Variants in TOE1 observed in about 807,000 individuals in gnomAD.
TOE1 encodes the protein target of EGR1 protein 1.
In TOE1, 50 loss-of-function variants were observed where a neutral mutation model predicts 49.2. The ratio of observed to expected loss-of-function variants is 1.02; its 90% CI spans 0.81 to 1.29. TOE1 has a LOEUF of 1.29. Ranked by LOEUF, TOE1 falls within the 50% of genes most tolerant of loss-of-function variation. The probability of loss-of-function intolerance (pLI) is 0.00; values close to 1 mark genes in which losing one functional copy is unlikely to be tolerated. For missense variants in TOE1, 544 were observed against 654.4 expected (o/e 0.83, Z 1.84); for synonymous variants, 221 against 247.0 (o/e 0.89, Z 0.99).
Position 45,341,325 on chromosome 1 carries a change from G to A in TOE1, c.218G>A (p.Arg73Lys). 1 of 1,614,160 alleles carries A rather than the reference G, an allele frequency of 6.2e-7. No individual in the cohort carries two copies. Among genetic ancestry groups the A allele is most frequent in the East Asian group, 2.2e-5 (1 of 44,886 alleles). Residue 73 changes from arginine (R) to lysine (K), a missense_variant, in exon 3 of 8, where the codon AGG (arginine) becomes AAG (lysine). Physicochemically the swap from Arg to Lys is conservative, Grantham distance 26. Coordinates refer to ENST00000372090, the MANE Select transcript of TOE1 (RefSeq NM_025077.4). The part of the protein sequence containing the change: ...VDTELSGLGD[R>K]KSLLNQCIEE... ...CAGGAGCTGAGTGGGCTTGGGGACAGGAAGAGTTTGCTGAACCAGTAAGTA... is the reference window on the plus strand; with the variant it reads ...CAGGAGCTGAGTGGGCTTGGGGACAAGAAGAGTTTGCTGAACCAGTAAGTA...
intron 1 of TOE1, 90 bp from the exon 2 acceptor site, chr1:45,340,983 C>G (rs1646919816): frequency 6.4e-7 from 1 of 1,573,646 alleles, no homozygotes; most frequent in Non-Finnish European, 8.7e-7. Context: ...AAACTACCCC[C>G]CTTACCACCA....
At chr1:45,340,973 A>C in intron 1 of TOE1, 100 bp from the exon 2 acceptor site, 1 of 1,535,780 alleles carries the variant, frequency 6.5e-7, no homozygotes, top group Non-Finnish European at 8.9e-7. Context: ...CTACCAATGG[A>C]AACTACCCCC....
rs1488248486 is a variant in TOE1 at position 45,342,641 on chromosome 1, AT to A, written c.751del (p.Cys251ValfsTer27). On this transcript the variant is annotated frameshift_variant and splice_region_variant, in exon 6 of 8. Transcript: ENST00000372090. LOFTEE classifies it high-confidence loss of function. ...ASYLEYAFRKCERENGKQRAA... is the reference protein window; with the variant it reads ...ASYLEYAFRKXERENGKQRAA... ...CCTACTTAGAATATGCCTTCCGGAA[AT>A]GGTGAGGAAATGGTTGAGGGAAAGG... The A allele has an allele frequency of 1.2e-6, 2 of 1,613,374 alleles. No homozygotes were observed. The highest frequency in any genetic ancestry group is 1.3e-5 in the African/African-American group (1 of 74,902).
In TOE1 at chr1:45,343,701, G is replaced by A. The variant is rs776403161; in HGVS notation, c.1532G>A (p.Ter511=). Residue 511 remains the stop codon, a stop_retained_variant, in exon 8 of 8, where the codon TGA becomes TAA. Transcript: ENST00000372090. The surrounding 1 kb of genome is among the most constrained non-coding windows in gnomAD (Gnocchi z 4.3). ...QKMKLTWGSS[*] ...ATGAAGCTCACTTGGGGCAGTAGCTGATGCAACTTCCACCTTGCTCTCAGG... is the reference window on the plus strand; with the variant it reads ...ATGAAGCTCACTTGGGGCAGTAGCTAATGCAACTTCCACCTTGCTCTCAGG... 6.2e-7 allele frequency: 1 copy of A among 1,603,746 alleles called. No homozygotes were observed. The highest frequency in any genetic ancestry group is 1.3e-5 in the African/African-American group (1 of 74,648).
chr1:45,342,722 A>G (rs1647061561), intron 6 of TOE1, 79 bp downstream of exon 6: 1 of 1,599,294 alleles, frequency 6.3e-7, no homozygotes, highest in South Asian at 1.1e-5. Context: ...TTGAGCTCCT[A>G]CCATGTGCCC....
intron 6 of TOE1, 62 bp downstream of exon 6, chr1:45,342,705 A>C (rs1033848271): frequency 6.2e-7 from 1 of 1,601,808 alleles, no homozygotes; most frequent in Non-Finnish European, 8.5e-7. Context: ...TTCACTTAAG[A>C]TATTTATTGA....
Position 45,343,376 on chromosome 1 carries a change from T to G in TOE1, c.1207T>G (p.Leu403Val). 5.6e-6 allele frequency: 9 copies of G among 1,613,716 alleles called. No individual in the cohort carries two copies. The highest frequency in any genetic ancestry group is 6.8e-6 in the Non-Finnish European group (8 of 1,179,940). ...PHSKQGNKNDLEMGIKAARPE... is the reference protein window; with the variant it reads ...PHSKQGNKNDVEMGIKAARPE... Reference sequence around the variant, plus strand: ...CTCCAAGCAAGGCAACAAAAATGACTTAGAGATGGGGATTAAGGCAGCAAG... The same window carrying G: ...CTCCAAGCAAGGCAACAAAAATGACGTAGAGATGGGGATTAAGGCAGCAAG... The change falls in exon 8 of 8, where the codon TTA becomes GTA. Residue 403 changes from leucine to valine, a missense_variant. Physicochemically the swap from Leu to Val is conservative, Grantham distance 32. Coordinates refer to ENST00000372090, the MANE Select transcript of TOE1 (RefSeq NM_025077.4). The surrounding 1 kb of genome is among the most constrained non-coding windows in gnomAD (Gnocchi z 4.3).
intron 1 of TOE1, 36 bp from the exon 2 acceptor site, chr1:45,341,037 T>C: frequency 6.2e-7 from 1 of 1,613,492 alleles, no homozygotes; most frequent in Non-Finnish European, 8.5e-7. Flanking sequence ...GGCTCTTTCC[T>C]TAAGCATGAA....
chr1:45,342,822 T>C, intron 6 of TOE1, 21 bp from the exon 7 acceptor site: 1 of 1,613,984 alleles, frequency 6.2e-7, no homozygotes, highest in Non-Finnish European at 8.5e-7. Context: ...AGTGGACCAT[T>C]ACCCTCTTGC....
In TOE1 at chr1:45,343,902, A is replaced by ATT; in HGVS notation, c.*204_*205dup. On this transcript the variant is annotated 3_prime_UTR_variant, in exon 8 of 8. Coordinates refer to ENST00000372090, the MANE Select transcript of TOE1 (RefSeq NM_025077.4). The surrounding 1 kb of genome is among the most constrained non-coding windows in gnomAD (Gnocchi z 4.3). ...GACCAGCACCTGTAACACTGACTTT[A>ATT]TTTTTAAGTCTGAAAATGTCTTGGG... 2.1e-6 allele frequency: 1 copy of ATT among 481,264 alleles called. No homozygotes were observed. 29.8% of individuals were successfully genotyped at this position (481,264 alleles called of 1,614,324 possible). A position where few individuals can be genotyped will look rare whatever the true frequency, so the allele number is the denominator to read the frequency against.
At position 45,343,269 on chromosome 1, in the gene TOE1, A is replaced by G. The variant is rs1172619364; in HGVS notation, c.1100A>G (p.Lys367Arg). Residue 367 changes from lysine (K) to arginine (R), a missense_variant, in exon 8 of 8, where the codon AAG becomes AGG. By Grantham distance (26) the Lys-to-Arg change is conservative. Transcript: ENST00000372090. This position sits in a 1 kb window ranked among gnomAD's most constrained non-coding sequence, Gnocchi z 4.3. ...TSGEAKDGPP[K>R]KQVCGDSIKP... ...GGGGAAGCTAAGGATGGTCCTCCCAAGAAGCAGGTCTGTGGGGATAGCATC... is the reference window on the plus strand; with the variant it reads ...GGGGAAGCTAAGGATGGTCCTCCCAGGAAGCAGGTCTGTGGGGATAGCATC... 7 of 1,614,016 alleles carry G rather than the reference A, an allele frequency of 4.3e-6. No homozygotes were observed. The highest frequency in any genetic ancestry group is 1.3e-5 in the African/African-American group (1 of 74,918).
intron 4 of TOE1, among the ~76,000 whole-genome samples, 167 bp from the exon 5 acceptor site, chr1:45,341,782 C>T (rs1229494385): frequency 1.3e-5 from 2 of 151,796 alleles, no homozygotes; most frequent in Admixed American, 6.6e-5. Context: ...TTTTGGTGCA[C>T]CTATCACCCA....
intron 1 of TOE1, chr1:45,340,574 G>A (rs553424965): frequency 3.7e-6 from 5 of 1,357,150 alleles, no homozygotes; most frequent in Non-Finnish European, 3.8e-6. Flanking sequence ...TCAGTTCAGT[G>A]GAGTGGATTG....
rs2149248374 is a variant in TOE1 at position 45,340,204 on chromosome 1, G to C, written c.-49G>C. The C allele has an allele frequency of 6.2e-7, 1 of 1,613,586 alleles. No individual in the cohort carries two copies. The highest frequency in any genetic ancestry group is 8.5e-7 in the Non-Finnish European group (1 of 1,179,940). ...CCTGAACCGCGCCAGGAGACGGACC[G>C]CAAGTCCAGCGTACCCACAGACGAC... On this transcript the variant is annotated 5_prime_UTR_variant, in exon 1 of 8. Coordinates refer to ENST00000372090, the MANE Select transcript of TOE1 (RefSeq NM_025077.4).
rs770914298 is a variant in TOE1, at chr1:45,343,516, T to C, written c.1347T>C (p.Tyr449=). 3.1e-6 allele frequency: 5 copies of C among 1,613,988 alleles called. No homozygotes were observed. The Admixed American group carries it at 5.0e-5, about 16-fold the overall frequency. Residue 449 remains tyrosine, a synonymous_variant, in exon 8 of 8, where the codon TAT becomes TAC. Coordinates refer to ENST00000372090, the MANE Select transcript of TOE1 (RefSeq NM_025077.4). The surrounding 1 kb of genome is among the most constrained non-coding windows in gnomAD (Gnocchi z 4.3). ...RAGFDAFMTG[Y]VMAYVEVSQG... is the part of the protein sequence containing the mutation. Reference sequence around the variant, plus strand: ...GTTTTGATGCCTTTATGACAGGTTATGTGATGGCCTATGTGGAAGTGAGCC... The same window carrying C: ...GTTTTGATGCCTTTATGACAGGTTACGTGATGGCCTATGTGGAAGTGAGCC...
chr1:45,342,167 C>T (rs1332998908), intron 5 of TOE1, 60 bp downstream of exon 5: 1 of 1,589,820 alleles, frequency 6.3e-7, no homozygotes, highest in Non-Finnish European at 8.6e-7. Context: ...TTTCTTCCTA[C>T]CCTAGGCTGG....
Position 45,342,396 on chromosome 1 carries a change from C to T in TOE1, c.505C>T (p.Gln169Ter), listed in dbSNP as rs747546453. ...HKGNDKGDESQSQSVRTLFLE... is the reference protein window; with the variant it reads ...HKGNDKGDES ...TACTTTCATCTAGGGTGATGAGAGC[C>T]AGAGCCAGTCAGTACGGACCCTATT... Residue 169 changes from glutamine (Q) to a stop codon, truncating the protein, a stop_gained, in exon 6 of 8, where the codon CAG becomes TAG. Coordinates refer to ENST00000372090, the MANE Select transcript of TOE1 (RefSeq NM_025077.4). LOFTEE classifies it high-confidence loss of function. 1 of 1,614,016 alleles carries T rather than the reference C, an allele frequency of 6.2e-7. No individual in the cohort carries two copies. Among genetic ancestry groups the T allele is most frequent in the South Asian group, 1.1e-5 (1 of 91,074 alleles).
chr1:45,342,619 A>G lies in TOE1; in HGVS notation c.728A>G (p.Tyr243Cys). Reference protein sequence around the residue: ...AEFHARFVASYLEYAFRKCER... With the variant: ...AEFHARFVASCLEYAFRKCER... ...TTTCATGCCCGTTTCGTGGCCTCCTACTTAGAATATGCCTTCCGGAAATGG... is the reference window on the plus strand; with the variant it reads ...TTTCATGCCCGTTTCGTGGCCTCCTGCTTAGAATATGCCTTCCGGAAATGG... The change falls in exon 6 of 8, where the codon TAC becomes TGC. Residue 243 changes from tyrosine (Y) to cysteine (C), a missense_variant. Physicochemically the swap from Tyr to Cys is radical, Grantham distance 194 (BLOSUM62 -2). Coordinates refer to ENST00000372090, the MANE Select transcript of TOE1 (RefSeq NM_025077.4). 2 of 1,613,902 alleles carry G rather than the reference A, an allele frequency of 1.2e-6. No individual in the cohort carries two copies. The highest frequency in any genetic ancestry group is 1.7e-6 in the Non-Finnish European group (2 of 1,179,972).
In TOE1 at chr1:45,343,734, G is replaced by C. The variant is rs768145473; in HGVS notation, c.*32G>C. ...TTCCACCTTGCTCTCAGGTGGAACAGAGGTATTTTGGGTCTCTCTAGCCTG... is the reference window on the plus strand; with the variant it reads ...TTCCACCTTGCTCTCAGGTGGAACACAGGTATTTTGGGTCTCTCTAGCCTG... On this transcript the variant is annotated 3_prime_UTR_variant, in exon 8 of 8. Coordinates refer to ENST00000372090, the MANE Select transcript of TOE1 (RefSeq NM_025077.4). The surrounding 1 kb of genome is among the most constrained non-coding windows in gnomAD (Gnocchi z 4.3). 6.3e-7 allele frequency: 1 copy of C among 1,585,572 alleles called. No individual in the cohort carries two copies. Among genetic ancestry groups the C allele is most frequent in the Non-Finnish European group, 8.6e-7 (1 of 1,163,342 alleles).
Sources: allele counts gnomAD v4.1 joint callset (sites outside exome capture counted in the v4.1 genomes callset), GRCh38; gene constraint gnomAD v4.1.1; non-coding constraint Gnocchi (gnomAD v3.1); transcripts MANE v1.5; gene names NCBI Gene and HGNC (gene_info 2026-07-23, HGNC 2026-07-21).